The following FAIM2 variants were observed in gnomAD, a reference collection of about 807,000 sequenced individuals.
FAIM2 encodes the protein Fas apoptotic inhibitory molecule 2, also known as protein lifeguard 2.
FAIM2 carries 27 observed loss-of-function variants against 47.4 expected under a neutral mutation model. The ratio of observed to expected loss-of-function variants is 0.57; its 90% CI spans 0.42 to 0.78. FAIM2 has a LOEUF of 0.78. FAIM2 is among the 30% of genes least tolerant of loss of function. The probability of loss-of-function intolerance (pLI) is 0.00; values close to 1 mark genes in which losing one functional copy is unlikely to be tolerated. For synonymous variants in FAIM2, 156 were observed against 159.3 expected (o/e 0.98, Z 0.16); for missense variants, 311 against 389.4 (o/e 0.80, Z 1.69).
Position 49,887,412 on chromosome 12 carries a change from C to A in FAIM2, c.775G>T (p.Ala259Ser), listed in dbSNP as rs1347499463. The A allele has an allele frequency of 6.2e-7, 1 of 1,611,444 alleles. No homozygotes were observed. The highest frequency in any genetic ancestry group is 8.5e-7 in the Non-Finnish European group (1 of 1,178,734). ...AATGTAAATACACCCGCTCCCAGTG[C>A]TGCATAAACTGCATGGAGCCAGGGC... ...YVPWLHAVYA[A>S]LGAGVFTLFL... The change falls in exon 11 of 12, where the codon GCA becomes TCA. Residue 259 changes from alanine (A) to serine (S), a missense_variant. By Grantham distance (99) the Ala-to-Ser change is moderately conservative (BLOSUM62 1). Coordinates refer to ENST00000320634, the MANE Select transcript of FAIM2 (RefSeq NM_012306.4).
chr12:49,879,776 A>G (rs1013559242), intron 11 of FAIM2, among the ~76,000 whole-genome samples: 19 of 144,378 alleles, frequency 1.3e-4, no homozygotes, highest in Non-Finnish European at 2.7e-4. Context: ...ACGTGTGTAT[A>G]TATGTGCATG....
At chr12:49,886,427 C>A (rs983135329) in intron 11 of FAIM2, among the ~76,000 whole-genome samples, 4 of 152,176 alleles carry the variant, frequency 2.6e-5, no homozygotes, top group African/African-American at 9.7e-5. Context: ...TGACCTTGGG[C>A]ATGTTATTTG....
intron 2 of FAIM2, among the ~76,000 whole-genome samples, chr12:49,899,075 A>G (rs916717648): frequency 6.6e-6 from 1 of 152,120 alleles, no homozygotes; most frequent in Non-Finnish European, 1.5e-5. Context: ...CTCCCCTAGA[A>G]CTTACTAGAT....
intron 1 of FAIM2, 45 bp downstream of exon 1, chr12:49,903,733 G>A: frequency 6.4e-7 from 1 of 1,550,826 alleles, no homozygotes; most frequent in Non-Finnish European, 8.7e-7. Context: ...AGGGAGCCGG[G>A]AGCCGGAGGA....
chr12:49,880,374 ATGTGTG>A (rs143191067), intron 11 of FAIM2, among the ~76,000 whole-genome samples: 1 of 144,168 alleles, frequency 6.9e-6, no homozygotes, highest in African/African-American at 2.7e-5. Flanking sequence ...GTGCATGTGT[ATGTGTG>A]TCTATGTGTG....
rs1404951258 is a variant in FAIM2 at position 49,870,421 on chromosome 12, T to C, written c.*83A>G. On this transcript the variant is annotated 3_prime_UTR_variant, in exon 12 of 12. Coordinates refer to ENST00000320634, the MANE Select transcript of FAIM2 (RefSeq NM_012306.4). ...GGCTGGGTTGGCAGCTAGTTTTATA[T>C]CTGGTCTCGCAGGAGCGCAGGGGAG... The C allele has an allele frequency of 2.3e-6, 3 of 1,315,560 alleles. No homozygotes were observed. The Admixed American group carries it at 5.6e-5, about 24-fold the overall frequency. 81.5% of individuals were successfully genotyped at this position (1,315,560 alleles called of 1,614,324 possible). A position where few individuals can be genotyped will look rare whatever the true frequency, so the allele number is the denominator to read the frequency against.
intron 11 of FAIM2, among the ~76,000 whole-genome samples, chr12:49,880,198 ATG>A (rs147028479): frequency 0.4 from 50,948 of 128,366 alleles, 7,538 homozygotes; most frequent in Middle Eastern, 0.42. Flanking sequence ...GTATATGTGC[ATG>A]TGTGTGTGCA....
At chr12:49,890,377 C>CT (rs1381324629) in intron 7 of FAIM2, among the ~76,000 whole-genome samples, 1 of 152,096 alleles carries the variant, frequency 6.6e-6, no homozygotes, top group Admixed American at 6.5e-5. Context: ...TTCTGCGGCC[C>CT]TGCTCCCCAC....
intron 5 of FAIM2, among the ~76,000 whole-genome samples, chr12:49,895,104 G>T (rs1353241221): frequency 1.3e-5 from 2 of 152,036 alleles, no homozygotes; most frequent in East Asian, 3.9e-4. Context: ...TTTTCTGGAG[G>T]AAAAGGGCAG....
In FAIM2 at chr12:49,897,573, A is replaced by G; in HGVS notation, c.326T>C (p.Ile109Thr). The G allele has an allele frequency of 6.2e-7, 1 of 1,613,850 alleles. No homozygotes were observed. ...RRVFVRKVYT[I>T]LLIQLLVTLA... ...GGTCACCAGCAGCTGAATCAGCAGG[A>G]TGGTGTAGACCTGGGGGTGGGAGGG... The change falls in exon 4 of 12, where the codon ATC becomes ACC. Residue 109 changes from isoleucine (I) to threonine (T), a missense_variant. Coordinates refer to ENST00000320634, the MANE Select transcript of FAIM2 (RefSeq NM_012306.4).
chr12:49,886,393 C>T (rs1016953208), intron 11 of FAIM2, among the ~76,000 whole-genome samples: 1 of 152,130 alleles, frequency 6.6e-6, no homozygotes, highest in Non-Finnish European at 1.5e-5. Context: ...CCAGTTTGGC[C>T]CTATCACTTC....
intron 11 of FAIM2, among the ~76,000 whole-genome samples, chr12:49,878,750 A>C (rs201511573): frequency 9.5e-6 from 1 of 104,862 alleles, no homozygotes; most frequent in African/African-American, 4.4e-5. Flanking sequence ...GTATATGCAT[A>C]TGTGTATATA....
Position 49,878,966 on chromosome 12 carries a change from G to T in FAIM2, c.802-8313C>A, listed in dbSNP as rs140436325. 5.0e-3 allele frequency among the ~76,000 whole-genome samples: 678 copies of T among 136,616 alleles called. 122 individuals carry two copies. Among genetic ancestry groups the T allele is most frequent in the African/African-American group, 0.018 (638 of 36,254 alleles). The allele number at this position is 136,616 out of a possible 152,430, so 89.6% of individuals were successfully genotyped here. ...TGTGTATGTTCATGTGTATATGTGCGTATGTGTATATGTATGCATATGAGT... is the reference window on the plus strand; with the variant it reads ...TGTGTATGTTCATGTGTATATGTGCTTATGTGTATATGTATGCATATGAGT... On this transcript the variant is annotated intron_variant, in intron 11 of 11. Transcript: ENST00000320634.
intron 11 of FAIM2, among the ~76,000 whole-genome samples, chr12:49,872,070 C>T (rs836969): frequency 0.73 from 110,984 of 152,150 alleles, 40,766 homozygotes; most frequent in African/African-American, 0.78. Flanking sequence ...ACTCATTCAT[C>T]ATACAATAAA....
At chr12:49,877,090 C>T (rs938265883) in intron 11 of FAIM2, among the ~76,000 whole-genome samples, 2 of 152,224 alleles carry the variant, frequency 1.3e-5, no homozygotes, top group African/African-American at 4.8e-5. Context: ...CTCTGAAGAA[C>T]CAGGTCCTGG....
chr12:49,890,795 C>A, intron 6 of FAIM2, 73 bp from the exon 7 acceptor site: 1 of 1,357,568 alleles, frequency 7.4e-7, no homozygotes, highest in Non-Finnish European at 1.1e-6. Context: ...GACACTGTTG[C>A]AGGGAGGGGG....
In FAIM2 at chr12:49,901,072, C is replaced by T. The variant is rs1289774028; in HGVS notation, c.211+58G>A. 3 of 1,388,632 alleles carry T rather than the reference C, an allele frequency of 2.2e-6. No homozygotes were observed. The Admixed American group carries it at 9.2e-5, about 43-fold the overall frequency. The allele number at this position is 1,388,632 out of a possible 1,614,324, so 86.0% of individuals were successfully genotyped here. ...GACAACTTCCTCCTACTCAGGTTTT[C>T]CCTCTGGGTCCACCCCCACCCCATG... On this transcript the variant is annotated intron_variant, in intron 2 of 11. Coordinates refer to ENST00000320634, the MANE Select transcript of FAIM2 (RefSeq NM_012306.4).
At chr12:49,891,437 T>A (rs1201085358) in intron 5 of FAIM2, among the ~76,000 whole-genome samples, 1 of 152,364 alleles carries the variant, frequency 6.6e-6, no homozygotes, top group East Asian at 1.9e-4. Context: ...GCATTTTCCA[T>A]GTGCTAGGCA....
intron 2 of FAIM2, among the ~76,000 whole-genome samples, chr12:49,900,819 T>A (rs1946976561): frequency 6.6e-6 from 1 of 152,152 alleles, no homozygotes; most frequent in Non-Finnish European, 1.5e-5. Context: ...CTAGGAGTTC[T>A]TTCTTAACTA....
Sources: allele counts gnomAD v4.1 joint callset (sites outside exome capture counted in the v4.1 genomes callset), GRCh38; gene constraint gnomAD v4.1.1; transcripts MANE v1.5; gene names NCBI Gene and HGNC (gene_info 2026-07-23, HGNC 2026-07-21).